ADGRB3: variants seen among roughly 807,000 people sequenced by gnomAD.
ADGRB3 encodes the protein brain-specific angiogenesis inhibitor 3.
In ADGRB3, 37 loss-of-function variants were observed where a neutral mutation model predicts 193.4. The observed-to-expected ratio is 0.19, with a 90% CI of 0.15 to 0.25. The LOEUF is 0.25. ADGRB3 is among the 10% of genes least tolerant of loss of function. The pLI, the probability that ADGRB3 is intolerant of heterozygous loss-of-function variation, is 1.00. For synonymous variants in ADGRB3, 690 were observed against 644.2 expected, an observed-to-expected ratio of 1.07 and a Z score of -1.08; for missense variants, 1,637 against 1,852.9, an observed-to-expected ratio of 0.88 and a Z score of 2.14.
chr6:69,337,227 A>T (rs997141630), intron 24 of ADGRB3, among the ~76,000 whole-genome samples: 1 of 152,080 alleles, frequency 6.6e-6, no homozygotes, highest in African/African-American at 2.4e-5. Flanking sequence ...AGACAACTGC[A>T]TCAGTGTTTG....
chr6:68,865,579 C>A (rs1257910773), intron 3 of ADGRB3, among the ~76,000 whole-genome samples: 2 of 152,176 alleles, frequency 1.3e-5, no homozygotes, highest in Non-Finnish European at 2.9e-5. Context: ...CAGCCCTCAT[C>A]ATGGGTGGAA....
intron 17 of ADGRB3, among the ~76,000 whole-genome samples, chr6:69,143,717 C>G (rs1038290757): frequency 2.0e-5 from 3 of 152,036 alleles, no homozygotes; most frequent in Admixed American, 6.5e-5. Flanking sequence ...TTTCTGGGTT[C>G]TCTATTCTTC....
chr6:68,915,874 T>C (rs916126169), intron 3 of ADGRB3, among the ~76,000 whole-genome samples: 1 of 152,156 alleles, frequency 6.6e-6, no homozygotes, highest in South Asian at 2.1e-4. Flanking sequence ...CCAAAGAATT[T>C]ACTGCTATGG....
At chr6:68,904,337 G>A (rs1213722080) in intron 3 of ADGRB3, among the ~76,000 whole-genome samples, 2 of 152,032 alleles carry the variant, frequency 1.3e-5, no homozygotes, top group African/African-American at 4.8e-5. Context: ...ATATTGCTAA[G>A]TGACATGAAT....
intron 3 of ADGRB3, among the ~76,000 whole-genome samples, chr6:68,749,408 ATGTGTGTGTGTGTGTGTGTGTG>A (rs60078030): frequency 5.1e-5 from 7 of 136,490 alleles, no homozygotes; most frequent in South Asian, 4.8e-4. Flanking sequence ...ATATATATAT[ATGTGTGTGTGTGTGTGTGTGTG>A]TGTGTGTGTG....
intron 29 of ADGRB3, among the ~76,000 whole-genome samples, chr6:69,368,024 T>C (rs1324537492): frequency 4.1e-5 from 6 of 147,016 alleles, no homozygotes; most frequent in Middle Eastern, 3.2e-3. Context: ...AGGGACAGCA[T>C]TGGGAGATAT....
rs183155595 is a variant in ADGRB3, at chr6:69,026,246, A to C, written c.2107+7747A>C. 1.8e-3 allele frequency among the ~76,000 whole-genome samples: 273 copies of C among 152,342 alleles called. 1 individual carries two copies. The highest frequency in any genetic ancestry group is 6.4e-3 in the African/African-American group (266 of 41,584). On this transcript the variant is annotated intron_variant, in intron 13 of 31. Coordinates refer to ENST00000370598, the MANE Select transcript of ADGRB3 (RefSeq NM_001704.3). ...GAAGCAGTCGACAGGGTGAGTGGTT[A>C]ACGAGTCAAGAGAGCAGTGTCATTT...
chr6:69,232,984 G>A, intron 17 of ADGRB3: 1 of 432,400 alleles, frequency 2.3e-6, no homozygotes, highest in Admixed American at 4.1e-5. Flanking sequence ...GCGGCTGCTC[G>A]TGCTGCCGCC....
chr6:68,831,780 C>T (rs949637247), intron 3 of ADGRB3, among the ~76,000 whole-genome samples: 1 of 152,164 alleles, frequency 6.6e-6, no homozygotes, highest in African/African-American at 2.4e-5. Flanking sequence ...GTTGTGCCCC[C>T]AAAGTTTGGG....
chr6:69,276,383 G>A (rs1767303561), intron 20 of ADGRB3, among the ~76,000 whole-genome samples: 1 of 152,170 alleles, frequency 6.6e-6, no homozygotes, highest in African/African-American at 2.4e-5. Flanking sequence ...ATTCCAAGAA[G>A]TTTTTAACAG....
chr6:69,317,505 T>A (rs1768339216), intron 20 of ADGRB3, among the ~76,000 whole-genome samples: 1 of 151,512 alleles, frequency 6.6e-6, no homozygotes, highest in African/African-American at 2.4e-5. Context: ...AGCTATTCTG[T>A]ACGTCGATTT....
In ADGRB3 at chr6:68,729,513, C is replaced by T. The variant is rs536422203; in HGVS notation, c.757+90081C>T. Among the ~76,000 whole-genome samples, 18 of 151,582 alleles carry T rather than the reference C, an allele frequency of 1.2e-4. No homozygotes were observed. In the East Asian group the frequency reaches 2.0e-3, roughly 16 times the overall value. On this transcript the variant is annotated intron_variant, in intron 3 of 31. Coordinates refer to ENST00000370598, the MANE Select transcript of ADGRB3 (RefSeq NM_001704.3). ...CAGAATGATCAGTATGGATCAGATC[C>T]GGAGAGATTTCTCTTGCCCCATAGA...
chr6:69,068,772 A>G (rs552343952), intron 16 of ADGRB3, among the ~76,000 whole-genome samples: 1 of 152,330 alleles, frequency 6.6e-6, no homozygotes, highest in East Asian at 1.9e-4. Flanking sequence ...GTATAGCAGA[A>G]GTGATATTAA....
chr6:69,172,648 A>C (rs1485296230), intron 17 of ADGRB3, among the ~76,000 whole-genome samples: 2 of 102,416 alleles, frequency 2.0e-5, no homozygotes, highest in East Asian at 2.1e-4. Flanking sequence ...TGTCTCAAAA[A>C]AAAAAAAAAA....
chr6:69,290,452 T>TGAGA (rs57690559), intron 20 of ADGRB3, among the ~76,000 whole-genome samples: 4 of 148,108 alleles, frequency 2.7e-5, no homozygotes, highest in African/African-American at 7.4e-5. Context: ...AAATTGAGAC[T>TGAGA]GAGAGAGAGA....
At chr6:69,358,147 C>G (rs1337687503) in intron 28 of ADGRB3, among the ~76,000 whole-genome samples, 1 of 151,842 alleles carries the variant, frequency 6.6e-6, no homozygotes, top group African/African-American at 2.4e-5. Flanking sequence ...TTTGTCTTTC[C>G]TCTAACAGCT....
intron 20 of ADGRB3, among the ~76,000 whole-genome samples, chr6:69,308,961 T>C (rs1768123051): frequency 6.6e-6 from 1 of 151,718 alleles, no homozygotes; most frequent in Non-Finnish European, 1.5e-5. Flanking sequence ...CCATTCTTTA[T>C]TCTGGTGCCC....
In ADGRB3 at chr6:68,773,856, G is replaced by C. The variant is rs117315695; in HGVS notation, c.757+134424G>C. 1.6e-3 allele frequency among the ~76,000 whole-genome samples: 244 copies of C among 152,096 alleles called. 2 individuals carry two copies. In the East Asian group the frequency reaches 0.031, roughly 19 times the overall value. On this transcript the variant is annotated intron_variant, in intron 3 of 31. Transcript: ENST00000370598. ...TTAGATGTAAGATAGAAGAAGAAAG[G>C]CTCCTTGAGAAGCTTAAGGAGACTT... is the stretch of plus-strand genomic sequence containing the variant.
At chr6:68,767,091 A>T (rs780752338) in intron 3 of ADGRB3, among the ~76,000 whole-genome samples, 18 of 152,224 alleles carry the variant, frequency 1.2e-4, no homozygotes, top group Non-Finnish European at 2.5e-4. Context: ...GCGTTCTTTT[A>T]AAGTGCTTTC....
Sources: gnomAD v4.1 joint callset for allele counts (sites outside exome capture counted in the v4.1 genomes callset) on GRCh38, gnomAD v4.1.1 for gene constraint, MANE v1.5 for transcripts, NCBI Gene and HGNC (gene_info 2026-07-23, HGNC 2026-07-21) for gene names.